PPL: variants seen among roughly 807,000 people sequenced by gnomAD.
The protein encoded by PPL is periplakin.
Under a neutral mutation model 194.4 loss-of-function variants are expected in PPL, and 198 were observed. The ratio of observed to expected loss-of-function variants is 1.02; its 90% CI spans 0.91 to 1.15. The LOEUF (loss-of-function observed/expected upper bound fraction) is 1.15, where lower values mean the gene tolerates loss of function less well. Among genes scored for constraint, PPL ranks in the 50% most tolerant of loss-of-function variants. The probability of loss-of-function intolerance (pLI) is 0.00; values close to 1 mark genes in which losing one functional copy is unlikely to be tolerated. For synonymous variants in PPL, 1,220 were observed against 972.4 expected, an observed-to-expected ratio of 1.25 and a Z score of -4.74; for missense variants, 2,885 against 2,294.8, an observed-to-expected ratio of 1.26 and a Z score of -5.25.
intron 1 of PPL, among the ~76,000 whole-genome samples, chr16:4,930,553 A>C (rs1473359592): frequency 6.6e-6 from 1 of 152,198 alleles, no homozygotes; most frequent in African/African-American, 2.4e-5. Flanking sequence ...TCATTCATTC[A>C]GCACGCGTGT....
chr16:4,884,329 G>C lies in PPL; in HGVS notation c.4326C>G (p.Thr1442=). ...GCTGCAGCACCACCTTCTGCGTATGGGTTACCTTCTCACGGGCCTCAGCTT... is the reference window on the plus strand; with the variant it reads ...GCTGCAGCACCACCTTCTGCGTATGCGTTACCTTCTCACGGGCCTCAGCTT... ...QEEAEAREKV[T]HTQKVVLQQD... is the part of the protein sequence containing the mutation. Residue 1442 remains threonine (T), a synonymous_variant, in exon 22 of 22, where the codon ACC becomes ACG. Coordinates refer to ENST00000345988, the MANE Select transcript of PPL (RefSeq NM_002705.5). This position sits in a 1 kb window ranked among gnomAD's most constrained non-coding sequence, Gnocchi z 5.7. 1 of 1,613,100 alleles carries C rather than the reference G, an allele frequency of 6.2e-7. No homozygotes were observed. The highest frequency in any genetic ancestry group is 8.5e-7 in the Non-Finnish European group (1 of 1,179,802).
chr16:4,890,070 C>CAG, intron 18 of PPL, 114 bp downstream of exon 18: 2 of 1,472,348 alleles, frequency 1.4e-6, no homozygotes, highest in Admixed American at 1.8e-5. Flanking sequence ...ACAGCTGTGG[C>CAG]AGGCCTCTGC....
intron 11 of PPL, 150 bp downstream of exon 11, chr16:4,895,111 G>T: frequency 9.7e-7 from 1 of 1,035,484 alleles, no homozygotes; most frequent in Non-Finnish European, 1.3e-6. Flanking sequence ...AGGGGTGCCA[G>T]TTGGCCTGCA....
rs760139824 is a variant in PPL, at chr16:4,883,538, T to C, written c.5117A>G (p.Glu1706Gly). 2.5e-6 allele frequency: 4 copies of C among 1,614,162 alleles called. No homozygotes were observed. The highest frequency in any genetic ancestry group is 3.4e-6 in the Non-Finnish European group (4 of 1,180,018). The change falls in exon 22 of 22, where the codon GAG (glutamate) becomes GGG (glycine). Residue 1706 changes from glutamate to glycine, a missense_variant. Coordinates refer to ENST00000345988, the MANE Select transcript of PPL (RefSeq NM_002705.5). This position sits in a 1 kb window ranked among gnomAD's most constrained non-coding sequence, Gnocchi z 4.8. The stretch of plus-strand genomic sequence containing the variant: ...CTTCCTGTCGTGTATCACTGAGGAC[T>C]CCCCATTGGGACCCTTCACTGAGAT... ...EEISVKGPNG[E>G]SSVIHDRKSG...
intron 2 of PPL, among the ~76,000 whole-genome samples, chr16:4,906,086 C>T (rs1477187127): frequency 1.3e-5 from 2 of 152,078 alleles, no homozygotes; most frequent in African/African-American, 2.4e-5. Context: ...CCAGCCTTGG[C>T]GACAGAGCGA....
At chr16:4,904,807 G>A (rs1284246308) in intron 2 of PPL, among the ~76,000 whole-genome samples, 2 of 152,180 alleles carry the variant, frequency 1.3e-5, no homozygotes, top group Non-Finnish European at 2.9e-5. Context: ...AAGGGTGTGG[G>A]CTGGGAGGGC....
At position 4,912,756 on chromosome 16, in the gene PPL, A is replaced by G. The variant is rs1442286725; in HGVS notation, c.63-1807T>C. Reference sequence around the variant, plus strand: ...CCGCTGTTACAAGTCAGGAGGTGTGACAGCCGTGGTGGCGTCAGGCCCAGC... The same window carrying G: ...CCGCTGTTACAAGTCAGGAGGTGTGGCAGCCGTGGTGGCGTCAGGCCCAGC... On this transcript the variant is annotated intron_variant, in intron 1 of 21. Coordinates refer to ENST00000345988, the MANE Select transcript of PPL (RefSeq NM_002705.5). 7.2e-5 allele frequency among the ~76,000 whole-genome samples: 11 copies of G among 152,358 alleles called. No individual in the cohort carries two copies. In the South Asian group the frequency reaches 2.3e-3, roughly 32 times the overall value.
At chr16:4,916,941 C>T (rs370582395) in intron 1 of PPL, among the ~76,000 whole-genome samples, 44 of 152,122 alleles carry the variant, frequency 2.9e-4, no homozygotes, top group African/African-American at 1.0e-3. Context: ...ACCAGCCTGG[C>T]CAACATGGTG....
Position 4,884,140 on chromosome 16 carries a change from G to T in PPL, c.4515C>A (p.Val1505=). 6.2e-7 allele frequency: 1 copy of T among 1,613,226 alleles called. No homozygotes were observed. ...VKEKVVLSES[V]QVEKGDTEQE... ...GCTCGGTGTCGCCCTTCTCCACCTGGACACTCTCGGAGAGCACCACCTTCT... is the reference window on the plus strand; with the variant it reads ...GCTCGGTGTCGCCCTTCTCCACCTGTACACTCTCGGAGAGCACCACCTTCT... Residue 1505 remains valine (V), a synonymous_variant, in exon 22 of 22, where the codon GTC becomes GTA. Coordinates refer to ENST00000345988, the MANE Select transcript of PPL (RefSeq NM_002705.5). This position sits in a 1 kb window ranked among gnomAD's most constrained non-coding sequence, Gnocchi z 5.7.
At chr16:4,894,707 C>A in intron 11 of PPL, 89 bp from the exon 12 acceptor site, 1 of 1,473,576 alleles carries the variant, frequency 6.8e-7, no homozygotes, top group Non-Finnish European at 9.2e-7. Context: ...ACTCTTGGAC[C>A]TGGGGAGCCC....
intron 1 of PPL, among the ~76,000 whole-genome samples, chr16:4,924,202 C>T (rs1283402607): frequency 3.3e-5 from 5 of 152,088 alleles, no homozygotes; most frequent in East Asian, 1.9e-4. Flanking sequence ...AAGAAATGAG[C>T]GAATTTTTTT....
intron 6 of PPL, 143 bp from the exon 7 acceptor site, chr16:4,899,527 G>GCTTAT: frequency 2.5e-6 from 2 of 804,430 alleles, no homozygotes; most frequent in South Asian, 1.9e-5. Context: ...GCCCAGCTTA[G>GCTTAT]CCACGTCCAG....
chr16:4,884,779 G>A lies in PPL; in HGVS notation c.3876C>T (p.Val1292=). 1.9e-6 allele frequency: 3 copies of A among 1,614,052 alleles called. No individual in the cohort carries two copies. Among genetic ancestry groups the A allele is most frequent in the South Asian group, 1.1e-5 (1 of 91,070 alleles). The change falls in exon 22 of 22, where the codon GTC becomes GTT. Residue 1292 remains valine, a synonymous_variant. Coordinates refer to ENST00000345988, the MANE Select transcript of PPL (RefSeq NM_002705.5). The surrounding 1 kb of genome is among the most constrained non-coding windows in gnomAD (Gnocchi z 5.7). ...TKPQVQTKEV[V]QEILQFQEDP... ...CTTCTTGGAATTGGAGGATCTCCTGGACCACCTCTTTGGTCTGGACCTGGG... is the reference window on the plus strand; with the variant it reads ...CTTCTTGGAATTGGAGGATCTCCTGAACCACCTCTTTGGTCTGGACCTGGG...
rs777111874 is a variant in PPL at position 4,885,727 on chromosome 16, C to T, written c.2928G>A (p.Leu976=). The T allele has an allele frequency of 6.8e-6, 11 of 1,613,208 alleles. No homozygotes were observed. In the East Asian group the frequency reaches 2.2e-4, roughly 33 times the overall value. ...LLQEELEALQ[L]QLRALEQETR... is the part of the protein sequence containing the mutation. ...TCTCCTGCTCCAGGGCACGCAGCTG[C>T]AGCTGCAGTGCCTCCAGCTCCTCCT... is the stretch of plus-strand genomic sequence containing the variant. The change falls in exon 22 of 22, where the codon CTG becomes CTA. Residue 976 remains leucine, a synonymous_variant. Coordinates refer to ENST00000345988, the MANE Select transcript of PPL (RefSeq NM_002705.5). This position sits in a 1 kb window ranked among gnomAD's most constrained non-coding sequence, Gnocchi z 6.3.
At chr16:4,936,016 AG>A (rs1288966583) in intron 1 of PPL, among the ~76,000 whole-genome samples, 2 of 152,210 alleles carry the variant, frequency 1.3e-5, no homozygotes, top group Non-Finnish European at 2.9e-5. Context: ...GATATAAGGC[AG>A]GGGCTGGATT....
At chr16:4,898,248 T>C (rs2088473189) in intron 8 of PPL, among the ~76,000 whole-genome samples, 1 of 152,032 alleles carries the variant, frequency 6.6e-6, no homozygotes, top group South Asian at 2.1e-4. Context: ...CATGATGGTG[T>C]GCGCCTGTAG....
chr16:4,906,630 C>T (rs1028362743), intron 2 of PPL, among the ~76,000 whole-genome samples: 2 of 152,148 alleles, frequency 1.3e-5, no homozygotes, highest in Admixed American at 6.5e-5. Flanking sequence ...TTGCCTAATT[C>T]GTGAAGGTGC....
chr16:4,929,895 C>T (rs2089206165), intron 1 of PPL, among the ~76,000 whole-genome samples: 1 of 151,796 alleles, frequency 6.6e-6, no homozygotes, highest in Non-Finnish European at 1.5e-5. Flanking sequence ...ACTATGTTGC[C>T]CAGGCTCGTC....
intron 2 of PPL, among the ~76,000 whole-genome samples, chr16:4,905,092 G>A (rs1391534063): frequency 6.6e-6 from 1 of 152,178 alleles, no homozygotes; most frequent in African/African-American, 2.4e-5. Flanking sequence ...TCCCGCAGGG[G>A]AGGCAGTGAC....
Sources: allele counts gnomAD v4.1 joint callset (sites outside exome capture counted in the v4.1 genomes callset), GRCh38; gene constraint gnomAD v4.1.1; non-coding constraint Gnocchi (gnomAD v3.1); transcripts MANE v1.5; gene names NCBI Gene and HGNC (gene_info 2026-07-23, HGNC 2026-07-21).